Variants in CTIF observed in about 807,000 individuals in gnomAD.
The protein encoded by CTIF is CBP80/20-dependent translation initiation factor.
CTIF carries 21 observed loss-of-function variants against 66.0 expected under a neutral mutation model. That is an observed-to-expected ratio of 0.32 (90% CI 0.23 to 0.46). The LOEUF (loss-of-function observed/expected upper bound fraction) is 0.46, where lower values mean the gene tolerates loss of function less well. CTIF is among the 20% of genes least tolerant of loss of function. The pLI is 1.00. For synonymous variants in CTIF, 345 were observed against 326.4 expected (o/e 1.06, Z -0.62); for missense variants, 739 against 812.7 (o/e 0.91, Z 1.10).
At chr18:48,803,524 A>T (rs984907532) in intron 9 of CTIF, among the ~76,000 whole-genome samples, 6 of 152,152 alleles carry the variant, frequency 3.9e-5, no homozygotes, top group Admixed American at 2.0e-4. Context: ...AGTGTCAGGC[A>T]CCTGTGACAG....
chr18:48,773,951 AAG>A (rs1568207925), intron 9 of CTIF, among the ~76,000 whole-genome samples: 1 of 152,190 alleles, frequency 6.6e-6, no homozygotes, highest in Non-Finnish European at 1.5e-5. Context: ...CCTCCGCTCT[AAG>A]AGTATTTATA....
chr18:48,701,890 T>C (rs562626903), intron 6 of CTIF, among the ~76,000 whole-genome samples: 3 of 152,358 alleles, frequency 2.0e-5, no homozygotes, highest in Admixed American at 6.5e-5. Flanking sequence ...CCCCACTGAC[T>C]CCTAAAGTTG....
chr18:48,730,318 CGGTGTG>C (rs2092430805), intron 7 of CTIF, among the ~76,000 whole-genome samples: 2 of 114,982 alleles, frequency 1.7e-5, no homozygotes, highest in East Asian at 1.0e-3. Context: ...GGGGCTTCTG[CGGTGTG>C]AGGGGCCCCT....
chr18:48,807,936 CTGT>C (rs1341759130), intron 9 of CTIF, among the ~76,000 whole-genome samples: 3 of 152,076 alleles, frequency 2.0e-5, no homozygotes, highest in Non-Finnish European at 4.4e-5. Flanking sequence ...AATTGTTCCC[CTGT>C]TGTTGGGTGC....
chr18:48,729,240 G>A (rs968283408), intron 7 of CTIF, among the ~76,000 whole-genome samples: 1 of 152,026 alleles, frequency 6.6e-6, no homozygotes, highest in Non-Finnish European at 1.5e-5. Flanking sequence ...TCTGGGAAAA[G>A]GAAACTTTCC....
At chr18:48,603,399 G>GGA (rs2090137666) in intron 1 of CTIF, among the ~76,000 whole-genome samples, 2 of 68,092 alleles carry the variant, frequency 2.9e-5, no homozygotes, top group African/African-American at 1.2e-4. Flanking sequence ...GGATGGATAT[G>GGA]TGAATGAGTG....
At chr18:48,625,256 G>A in intron 2 of CTIF, 2 of 981,984 alleles carry the variant, frequency 2.0e-6, no homozygotes, top group South Asian at 9.5e-5. Flanking sequence ...TAGGAGGACT[G>A]CGGGGTGGTT....
In CTIF at chr18:48,805,106, C is replaced by G. The variant is rs557136571; in HGVS notation, c.1372-12115C>G. ...CAGAAGGGAACATTCAGGGTCGTCT[C>G]TCAGGCTGGGGGTAACCTGATGTGT... On this transcript the variant is annotated intron_variant, in intron 9 of 11. Transcript: ENST00000256413. 4.6e-5 allele frequency among the ~76,000 whole-genome samples: 7 copies of G among 152,344 alleles called. No individual in the cohort carries two copies. The South Asian group carries it at 1.4e-3, about 32-fold the overall frequency.
chr18:48,836,826 T>C (rs1183165881), intron 10 of CTIF, among the ~76,000 whole-genome samples: 1 of 152,220 alleles, frequency 6.6e-6, no homozygotes, highest in Non-Finnish European at 1.5e-5. Flanking sequence ...GCACCGCACA[T>C]AGATGCCATC....
chr18:48,859,298 C>T (rs2069402939), intron 11 of CTIF, 46 bp from the exon 12 acceptor site: 2 of 1,561,554 alleles, frequency 1.3e-6, no homozygotes, highest in Non-Finnish European at 1.8e-6. Flanking sequence ...GCCAGTGGGC[C>T]ACTGTGGGAC....
At chr18:48,827,790 G>A (rs928527567) in intron 10 of CTIF, among the ~76,000 whole-genome samples, 13 of 152,096 alleles carry the variant, frequency 8.5e-5, no homozygotes, top group African/African-American at 1.2e-4. Context: ...AACCTCCGCC[G>A]AAATAACTTC....
rs142608446 is a variant in CTIF, at chr18:48,696,282, C to A, written c.508-15337C>A. ...ACTTTCACCTCCAGCCCTTTCACAT[C>A]AGTAGACAGCACAAATCTAGGGCAG... is the stretch of plus-strand genomic sequence containing the variant. On this transcript the variant is annotated intron_variant, in intron 6 of 11. Coordinates refer to ENST00000256413, the MANE Select transcript of CTIF (RefSeq NM_014772.3). Among the ~76,000 whole-genome samples the A allele has an allele frequency of 3.2e-4, 49 of 152,314 alleles. No individual in the cohort carries two copies. The East Asian group carries it at 9.5e-3, about 29-fold the overall frequency.
intron 9 of CTIF, among the ~76,000 whole-genome samples, chr18:48,769,060 C>T (rs1909854536): frequency 6.6e-6 from 1 of 152,156 alleles, no homozygotes; most frequent in Admixed American, 6.5e-5. Flanking sequence ...TCTCCATTCG[C>T]CCTAGTCCCT....
At chr18:48,622,533 G>A (rs1053785314) in intron 2 of CTIF, among the ~76,000 whole-genome samples, 2 of 152,158 alleles carry the variant, frequency 1.3e-5, no homozygotes, top group African/African-American at 4.8e-5. Flanking sequence ...GCAAGGTGGT[G>A]GCTGGGTGGC....
chr18:48,707,307 C>T (rs1446831522), intron 6 of CTIF, among the ~76,000 whole-genome samples: 1 of 152,162 alleles, frequency 6.6e-6, no homozygotes, highest in Non-Finnish European at 1.5e-5. Context: ...GGTCTAAAGC[C>T]AGAATACTAT....
chr18:48,821,219 T>G (rs1261685130), intron 10 of CTIF, among the ~76,000 whole-genome samples: 2 of 152,242 alleles, frequency 1.3e-5, no homozygotes, highest in Non-Finnish European at 2.9e-5. Context: ...CTGTCCTTAC[T>G]GCTCCATCCT....
intron 2 of CTIF, among the ~76,000 whole-genome samples, chr18:48,634,191 G>T (rs567222860): frequency 1.3e-5 from 2 of 152,230 alleles, no homozygotes; most frequent in East Asian, 1.9e-4. Context: ...TGTCGAGAGG[G>T]TGCATTTTGT....
chr18:48,630,298 G>C (rs974474860), intron 2 of CTIF, among the ~76,000 whole-genome samples: 7 of 152,126 alleles, frequency 4.6e-5, no homozygotes, highest in African/African-American at 1.4e-4. Context: ...CTCAGGGTTG[G>C]GGGGGTGGGC....
At chr18:48,681,903 A>G (rs907043654) in intron 6 of CTIF, among the ~76,000 whole-genome samples, 5 of 152,086 alleles carry the variant, frequency 3.3e-5, no homozygotes, top group African/African-American at 1.2e-4. Flanking sequence ...CTCCTACCTC[A>G]GCCTCCCAAG....
Sources: gnomAD v4.1 joint callset for allele counts (sites outside exome capture counted in the v4.1 genomes callset) on GRCh38, gnomAD v4.1.1 for gene constraint, MANE v1.5 for transcripts, NCBI Gene and HGNC (gene_info 2026-07-23, HGNC 2026-07-21) for gene names.